GK5: variants seen among roughly 807,000 people sequenced by gnomAD.
GK5 encodes ATP:glycerol 3-phosphotransferase 5.
Under a neutral mutation model 77.3 loss-of-function variants are expected in GK5, and 39 were observed. The ratio of observed to expected loss-of-function variants is 0.50; its 90% CI spans 0.39 to 0.66. The LOEUF is 0.66. Ranked by LOEUF, GK5 falls within the 30% of genes least tolerant of loss-of-function variation. GK5 has a pLI of 0.00. For missense variants in GK5, 487 were observed against 633.8 expected (o/e 0.77, Z 2.49); for synonymous variants, 211 against 208.0 (o/e 1.01, Z -0.13).
intron 3 of GK5, among the ~76,000 whole-genome samples, chr3:142,210,461 C>T (rs1008065105): frequency 1.3e-5 from 2 of 152,164 alleles, no homozygotes. Context: ...CAGCATCATA[C>T]ACCACATTGG....
chr3:142,170,516 A>C (rs372158576), intron 14 of GK5, 58 bp from the exon 15 acceptor site: 3 of 1,408,928 alleles, frequency 2.1e-6, no homozygotes, highest in East Asian at 2.3e-5. Flanking sequence ...ATTCTTTTTC[A>C]GTGGGCCACA....
chr3:142,183,195 G>A (rs2107775125), intron 9 of GK5, 146 bp from the exon 10 acceptor site: 6 of 662,240 alleles, frequency 9.1e-6, no homozygotes, highest in East Asian at 2.8e-5. Flanking sequence ...AAATCCCAAA[G>A]AGAATAGGGA....
rs370605593 is a variant in GK5, at chr3:142,191,602, C to A, written c.544-3823G>T. Among the ~76,000 whole-genome samples the A allele has an allele frequency of 3.3e-5, 5 of 151,974 alleles. No homozygotes were observed. The East Asian group carries it at 7.9e-4, about 24-fold the overall frequency. On this transcript the variant is annotated intron_variant, in intron 5 of 15. Transcript: ENST00000392993. ...CCTGTAATCCCAGTACTTTGGGAGG[C>A]CGAGGCAGGTGGATCACTTGAAGTT...
At position 142,217,363 on chromosome 3, in the gene GK5, T is replaced by C. The variant is rs540267918; in HGVS notation, c.148-1671A>G. ...GACATAAAAAAGAAAAGTTTTAGAATTGAAAAATGTACTGATCAAAATTTA... is the reference window on the plus strand; with the variant it reads ...GACATAAAAAAGAAAAGTTTTAGAACTGAAAAATGTACTGATCAAAATTTA... On this transcript the variant is annotated intron_variant, in intron 1 of 15. Transcript: ENST00000392993. Among the ~76,000 whole-genome samples the C allele has an allele frequency of 1.6e-3, 238 of 152,152 alleles. 1 individual carries two copies. The highest frequency in any genetic ancestry group is 5.5e-3 in the African/African-American group (230 of 41,530).
At chr3:142,174,384 C>G in intron 12 of GK5, among the ~76,000 whole-genome samples, 1 of 152,130 alleles carries the variant, frequency 6.6e-6, no homozygotes, top group South Asian at 2.1e-4. Flanking sequence ...TATAGTAAAT[C>G]TGGTTTATAT....
chr3:142,218,631 A>G (rs2064304947), intron 1 of GK5, among the ~76,000 whole-genome samples: 2 of 152,156 alleles, frequency 1.3e-5, no homozygotes, highest in Admixed American at 1.3e-4. Context: ...TGTAAAATGT[A>G]AAACTATAAA....
intron 3 of GK5, among the ~76,000 whole-genome samples, chr3:142,210,653 A>G (rs908371390): frequency 2.0e-5 from 3 of 152,230 alleles, no homozygotes; most frequent in Non-Finnish European, 2.9e-5. Flanking sequence ...CAGCCAAGAT[A>G]AAAAACTCAC....
Position 142,162,852 on chromosome 3 carries a change from TGGGC to T in GK5, c.*2766_*2769del, listed in dbSNP as rs2063435615. The T allele has an allele frequency of 6.6e-6, 1 of 151,730 alleles. No homozygotes were observed. 9.4% of individuals were successfully genotyped at this position (151,730 alleles called of 1,614,324 possible). A position where few individuals can be genotyped will look rare whatever the true frequency, so the allele number is the denominator to read the frequency against. ...CTCTACTAAAAATACAAAAATCAGC[TGGGC>T]GTAGTGACGTATACCTGAAATCCCA... On this transcript the variant is annotated 3_prime_UTR_variant, in exon 16 of 16. Transcript: ENST00000392993.
chr3:142,186,150 C>T, intron 8 of GK5, 44 bp downstream of exon 8: 1 of 1,295,014 alleles, frequency 7.7e-7, no homozygotes, highest in Non-Finnish European at 1.1e-6. Flanking sequence ...AAAATGAATT[C>T]AAGAACCATT....
At chr3:142,220,136 T>C (rs2064321502) in intron 1 of GK5, among the ~76,000 whole-genome samples, 1 of 152,132 alleles carries the variant, frequency 6.6e-6, no homozygotes, top group African/African-American at 2.4e-5. Flanking sequence ...CAGACCAGAT[T>C]TTAACAAATT....
intron 15 of GK5, among the ~76,000 whole-genome samples, chr3:142,166,093 A>G (rs2063470405): frequency 6.6e-6 from 1 of 152,110 alleles, no homozygotes; most frequent in African/African-American, 2.4e-5. Flanking sequence ...GAAAAACAGT[A>G]TATTTTCTGG....
Position 142,225,538 on chromosome 3 carries a change from C to T in GK5, c.-83G>A. The stretch of plus-strand genomic sequence containing the variant: ...CCAATGCTCCAGAGTCCCCGGGCGG[C>T]CCAACCCGGGCCCCAACCCGGCTCA... On this transcript the variant is annotated 5_prime_UTR_variant, in exon 1 of 16. Coordinates refer to ENST00000392993, the MANE Select transcript of GK5 (RefSeq NM_001039547.3). The T allele has an allele frequency of 6.7e-7, 1 of 1,495,460 alleles. No individual in the cohort carries two copies. The highest frequency in any genetic ancestry group is 1.2e-5 in the South Asian group (1 of 81,240). The allele number at this position is 1,495,460 out of a possible 1,614,324, so 92.6% of individuals were successfully genotyped here.
chr3:142,195,617 G>A (rs2063923561), intron 5 of GK5, among the ~76,000 whole-genome samples: 1 of 152,220 alleles, frequency 6.6e-6, no homozygotes, highest in African/African-American at 2.4e-5. Context: ...CTCCCAAAGT[G>A]CTGGGATTAC....
intron 3 of GK5, among the ~76,000 whole-genome samples, chr3:142,209,104 G>C (rs189829011): frequency 3.4e-4 from 52 of 151,722 alleles, no homozygotes; most frequent in African/African-American, 1.2e-3. Context: ...AGCCGAGATA[G>C]CACCACTGCA....
At chr3:142,206,471 T>C (rs2064109292) in intron 3 of GK5, among the ~76,000 whole-genome samples, 1 of 152,188 alleles carries the variant, frequency 6.6e-6, no homozygotes, top group South Asian at 2.1e-4. Context: ...GGGTGTGAAG[T>C]GGTATCTCAT....
chr3:142,211,269 G>A (rs1390459478), intron 3 of GK5, among the ~76,000 whole-genome samples: 3 of 152,160 alleles, frequency 2.0e-5, no homozygotes, highest in South Asian at 2.1e-4. Flanking sequence ...ACCACAGGAC[G>A]GTCCCCATGA....
At chr3:142,188,056 T>A (rs968588320) in intron 5 of GK5, among the ~76,000 whole-genome samples, 5 of 152,034 alleles carry the variant, frequency 3.3e-5, no homozygotes, top group African/African-American at 1.2e-4. Flanking sequence ...GTGTTTTTTG[T>A]TGTTTTTTTT....
intron 4 of GK5, among the ~76,000 whole-genome samples, chr3:142,201,523 T>C (rs1445675341): frequency 6.6e-6 from 1 of 152,186 alleles, no homozygotes; most frequent in Non-Finnish European, 1.5e-5. Flanking sequence ...TAGATATAGT[T>C]ACAGAAGAAC....
chr3:142,167,095 C>T (rs572448924), intron 15 of GK5, among the ~76,000 whole-genome samples: 22 of 152,100 alleles, frequency 1.4e-4, no homozygotes, highest in Non-Finnish European at 2.6e-4. Context: ...TAATGTAGGC[C>T]AGGTGTGGTG....
Sources: allele counts gnomAD v4.1 joint callset (sites outside exome capture counted in the v4.1 genomes callset), GRCh38; gene constraint gnomAD v4.1.1; transcripts MANE v1.5; gene names NCBI Gene and HGNC (gene_info 2026-07-23, HGNC 2026-07-21).